LAD1: variants seen among roughly 807,000 people sequenced by gnomAD.
LAD1 encodes the protein ladinin 1, also known as ladinin-1.
A neutral mutation model predicts 54.2 loss-of-function variants in LAD1; 53 were observed. That is an observed-to-expected ratio of 0.98 (90% CI 0.78 to 1.23). LAD1 has a LOEUF of 1.23. LAD1 is among the 50% of genes most tolerant of loss of function. The pLI is 0.00. For synonymous variants in LAD1, 231 were observed against 257.7 expected (o/e 0.90, Z 0.99); for missense variants, 637 against 653.3 (o/e 0.98, Z 0.27).
Position 201,386,350 on chromosome 1 carries a change from T to C in LAD1, c.1011A>G (p.Pro337=). ...CACTGCCAACCTGGAGTGTGACGGG[T>C]GGGAGGCGGGAGGCCACAGTCGGAG... ...SDPPTVASRL[P]PVTLQVKIPS... is the part of the protein sequence containing the mutation. Residue 337 remains proline (P), a synonymous_variant, in exon 3 of 10, where the codon CCA becomes CCG. Transcript: ENST00000391967. The C allele has an allele frequency of 1.4e-6, 2 of 1,472,202 alleles. No homozygotes were observed. The highest frequency in any genetic ancestry group is 1.8e-6 in the Non-Finnish European group (2 of 1,112,672). The allele number at this position is 1,472,202 out of a possible 1,614,324, so 91.2% of individuals were successfully genotyped here.
At chr1:201,384,218 C>A (rs1662027711) in intron 5 of LAD1, among the ~76,000 whole-genome samples, 1 of 152,132 alleles carries the variant, frequency 6.6e-6, no homozygotes. Context: ...CCCCAGCCCC[C>A]AGGCCTAGCC....
chr1:201,384,888 G>T, intron 4 of LAD1, 53 bp from the exon 5 acceptor site: 1 of 1,580,418 alleles, frequency 6.3e-7, no homozygotes, highest in Non-Finnish European at 8.7e-7. Context: ...GAAATCGGTG[G>T]CCCCCTCGAG....
In LAD1 at chr1:201,383,141, C is replaced by G; in HGVS notation, c.1319G>C (p.Ser440Thr). ...TTCCTTCTCAAAGAGGTGGCGCTTG[C>G]TGGCTACACCCACAGGAGCCACGAA... Reference protein sequence around the residue: ...ELFVAPVGVASKRHLFEKELA... With the variant: ...ELFVAPVGVATKRHLFEKELA... Residue 440 changes from serine (S) to threonine (T), a missense_variant, in exon 7 of 10, where the codon AGC becomes ACC. Coordinates refer to ENST00000391967, the MANE Select transcript of LAD1 (RefSeq NM_005558.4). The G allele has an allele frequency of 6.2e-7, 1 of 1,614,092 alleles. No homozygotes were observed.
intron 3 of LAD1, 108 bp from the exon 4 acceptor site, chr1:201,385,913 A>G: frequency 1.2e-6 from 1 of 808,104 alleles, no homozygotes. Flanking sequence ...GGGGAGAATG[A>G]GACAGCCCTG....
chr1:201,389,390 C>T (rs1271123589), intron 1 of LAD1, 87 bp from the exon 2 acceptor site: 2 of 1,482,838 alleles, frequency 1.3e-6, no homozygotes, highest in East Asian at 4.6e-5. Context: ...GAGAAGAGAC[C>T]AAATGCCCTC....
At position 201,382,727 on chromosome 1, in the gene LAD1, G is replaced by C; in HGVS notation, c.1399C>G (p.Leu467Val). 5 of 1,603,396 alleles carry C rather than the reference G, an allele frequency of 3.1e-6. No individual in the cohort carries two copies. Among genetic ancestry groups the C allele is most frequent in the Non-Finnish European group, 4.3e-6 (5 of 1,174,968 alleles). Residue 467 changes from leucine to valine, a missense_variant, in exon 8 of 10, where the codon CTC becomes GTC. Transcript: ENST00000391967. ...AGCCTTGATGTCACAACCCCTGAGA[G>C]CCTCAAGTTCTCCTAAAAAGAGAAC... ...PASSRKENLR[L>V]SGVVTSRLNL... is the part of the protein sequence containing the mutation.
intron 1 of LAD1, among the ~76,000 whole-genome samples, chr1:201,394,471 G>A (rs895625588): frequency 3.3e-5 from 5 of 152,298 alleles, no homozygotes; most frequent in South Asian, 2.1e-4. Context: ...ATGGAGAGGC[G>A]CCCAAATCAA....
At chr1:201,390,230 TTTTAATG>T in intron 1 of LAD1, among the ~76,000 whole-genome samples, 1 of 152,092 alleles carries the variant, frequency 6.6e-6, no homozygotes, top group South Asian at 2.1e-4. Flanking sequence ...CTTTTTACTT[TTTTAATG>T]TGACTACTCA....
intron 4 of LAD1, 55 bp from the exon 5 acceptor site, chr1:201,384,890 C>A (rs1571719678): frequency 6.4e-7 from 1 of 1,573,428 alleles, no homozygotes; most frequent in Non-Finnish European, 8.7e-7. Context: ...AATCGGTGGC[C>A]CCCTCGAGTG....
Position 201,386,617 on chromosome 1 carries a change from T to G in LAD1, c.744A>C (p.Ala248=). The G allele has an allele frequency of 3.1e-6, 5 of 1,614,156 alleles. No individual in the cohort carries two copies. Among genetic ancestry groups the G allele is most frequent in the Non-Finnish European group, 4.2e-6 (5 of 1,180,004 alleles). The change falls in exon 3 of 10, where the codon GCA becomes GCC. Residue 248 remains alanine (A), a synonymous_variant. Transcript: ENST00000391967. ...VSEKSLAPGM[A]LGSGRRLVSE... ...ACACCAGCCTCCTTCCTGAGCCCAG[T>G]GCCATCCCTGGGGCCAGCGACTTCT...
intron 4 of LAD1, 149 bp downstream of exon 4, chr1:201,385,552 G>A (rs1558270295): frequency 2.8e-6 from 2 of 708,410 alleles, no homozygotes; most frequent in African/African-American, 1.8e-5. Context: ...ATACAACCTT[G>A]TTTGTTCAGG....
intron 1 of LAD1, 66 bp downstream of exon 1, chr1:201,399,203 C>A: frequency 5.3e-6 from 7 of 1,323,414 alleles, no homozygotes; most frequent in Non-Finnish European, 7.3e-6. Context: ...GCCGGTGCCC[C>A]GAGGAGAGGA....
intron 3 of LAD1, 88 bp from the exon 4 acceptor site, chr1:201,385,893 TG>T: frequency 1.1e-6 from 1 of 935,298 alleles, no homozygotes; most frequent in Non-Finnish European, 1.8e-6. Flanking sequence ...CCCCAGGAGC[TG>T]CAGGAAGAGG....
intron 1 of LAD1, among the ~76,000 whole-genome samples, chr1:201,396,761 C>T (rs2799678): frequency 0.27 from 40,909 of 152,004 alleles, 5,629 homozygotes; most frequent in East Asian, 0.35. Flanking sequence ...CAGGGCAGGC[C>T]TTAAGTTCCC....
At chr1:201,382,841 G>A in intron 7 of LAD1, 102 bp from the exon 8 acceptor site, 1 of 997,844 alleles carries the variant, frequency 1.0e-6, no homozygotes, top group Non-Finnish European at 1.5e-6. Flanking sequence ...ACTCCCCTAT[G>A]CATCCAGCAC....
intron 1 of LAD1, among the ~76,000 whole-genome samples, chr1:201,397,616 C>G (rs903464235): frequency 2.0e-5 from 3 of 152,114 alleles, no homozygotes; most frequent in Non-Finnish European, 4.4e-5. Context: ...TATATCCCAC[C>G]AGACTATGAA....
chr1:201,399,261 G>T lies in LAD1; in HGVS notation c.38+8C>A. 6.4e-7 allele frequency: 1 copy of T among 1,553,714 alleles called. No homozygotes were observed. The highest frequency in any genetic ancestry group is 1.2e-5 in the South Asian group (1 of 85,450). ...CCCCCGCCCCTCCCGGCTCCCTCCG[G>T]CGCTCACCTGGACAGCGCGGACCAG... On this transcript the variant is annotated splice_region_variant and intron_variant, in intron 1 of 9. Coordinates refer to ENST00000391967, the MANE Select transcript of LAD1 (RefSeq NM_005558.4).
intron 2 of LAD1, among the ~76,000 whole-genome samples, chr1:201,388,332 G>A (rs1444740064): frequency 1.3e-5 from 2 of 151,676 alleles, no homozygotes; most frequent in Admixed American, 1.3e-4. Flanking sequence ...AGGTTGCAGT[G>A]AGCCAAGATT....
At chr1:201,393,851 CTTT>C (rs35169716) in intron 1 of LAD1, among the ~76,000 whole-genome samples, 2 of 112,252 alleles carry the variant, frequency 1.8e-5, no homozygotes, top group Admixed American at 9.9e-5. Flanking sequence ...TTAAGTTTTG[CTTT>C]TTTTTTTTTT....
Sources: gnomAD v4.1 joint callset for allele counts (sites outside exome capture counted in the v4.1 genomes callset) on GRCh38, gnomAD v4.1.1 for gene constraint, MANE v1.5 for transcripts, NCBI Gene and HGNC (gene_info 2026-07-23, HGNC 2026-07-21) for gene names.